Variants in SYTL4 observed in about 807,000 individuals in gnomAD.
SYTL4 encodes the protein synaptotagmin like 4.
A neutral mutation model predicts 52.7 loss-of-function variants in SYTL4; 16 were observed. That is an observed-to-expected ratio of 0.30 (90% CI 0.21 to 0.46). SYTL4 has a LOEUF of 0.46. Among genes scored for constraint, SYTL4 ranks in the 20% least tolerant of loss-of-function variants. The probability of loss-of-function intolerance (pLI) is 1.00; values close to 1 mark genes in which losing one functional copy is unlikely to be tolerated. For missense variants in SYTL4, 423 were observed against 519.9 expected (o/e 0.81, Z 1.81); for synonymous variants, 160 against 186.6 (o/e 0.86, Z 1.16).
intron 17 of SYTL4, among the ~76,000 whole-genome samples, chrX:100,679,933 A>C (rs1923139261): frequency 8.9e-6 from 1 of 111,748 alleles, no homozygotes; most frequent in Non-Finnish European, 1.9e-5. Flanking sequence ...CATCTCTTTG[A>C]AAAAGTACTT....
At chrX:100,708,109 G>T (rs2147782949) in intron 2 of SYTL4, among the ~76,000 whole-genome samples, 1 of 109,431 alleles carries the variant, frequency 9.1e-6, no homozygotes, top group Non-Finnish European at 1.9e-5. Flanking sequence ...AGCATTAGGA[G>T]AAATACCTAA....
rs1337310331 is a variant in SYTL4, at chrX:100,731,671, AG to A, written c.-327-167del. The A allele has an allele frequency of 3.6e-5, 4 of 111,511 alleles. No homozygotes were observed. In the East Asian group the frequency reaches 1.2e-3, roughly 32 times the overall value. 9.2% of individuals were successfully genotyped at this position (111,511 alleles called of 1,213,427 possible). A position where few individuals can be genotyped will look rare whatever the true frequency, so the allele number is the denominator to read the frequency against. ...CCCCGCGAGGGGAGCCGAAGAGGAG[AG>A]GGGAGGCGGCTCCCAGAGGGGCACA... On this transcript the variant is annotated intron_variant, in intron 1 of 19. Transcript: ENST00000372989.
At chrX:100,723,663 C>A (rs750169518) in intron 2 of SYTL4, among the ~76,000 whole-genome samples, 2,889 of 109,229 alleles carry the variant, frequency 0.026, 57 homozygotes, top group African/African-American at 0.061. Context: ...GGCCGCCCAT[C>A]GTCTGAGATG....
intron 2 of SYTL4, among the ~76,000 whole-genome samples, chrX:100,714,154 T>TACAA (rs1161914282): frequency 1.5e-4 from 17 of 112,273 alleles, no homozygotes; most frequent in African/African-American, 4.9e-4. Flanking sequence ...ATTTTAATAT[T>TACAA]AAATGTAACT....
intron 2 of SYTL4, among the ~76,000 whole-genome samples, chrX:100,709,525 T>C (rs1415509260): frequency 9.0e-6 from 1 of 110,895 alleles, no homozygotes; most frequent in Non-Finnish European, 1.9e-5. Flanking sequence ...AACAAAAAGC[T>C]TGGAATTGAG....
chrX:100,705,139 AT>A (rs2147775380), intron 2 of SYTL4, among the ~76,000 whole-genome samples: 1 of 111,915 alleles, frequency 8.9e-6, no homozygotes, highest in African/African-American at 3.2e-5. Flanking sequence ...TTAATGCAAT[AT>A]CTGGTACGCA....
chrX:100,681,419 C>T (rs962497368), intron 16 of SYTL4, 84 bp from the exon 17 acceptor site: 1 of 717,553 alleles, frequency 1.4e-6, no homozygotes, highest in African/African-American at 2.1e-5. Context: ...TCTAAAATTA[C>T]CCCCCAAGAA....
chrX:100,707,313 C>A (rs1404998395), intron 2 of SYTL4, among the ~76,000 whole-genome samples: 1 of 105,171 alleles, frequency 9.5e-6, no homozygotes, highest in African/African-American at 4.0e-5. Flanking sequence ...AAGGTAATTT[C>A]TTATCACAAT....
chrX:100,701,191 C>A, intron 7 of SYTL4, 29 bp downstream of exon 7: 1 of 1,141,282 alleles, frequency 8.8e-7, no homozygotes, highest in Non-Finnish European at 1.2e-6. Context: ...GATTCCATAC[C>A]AAGAACCATC....
At chrX:100,691,544 CT>C (rs1250757810) in intron 8 of SYTL4, among the ~76,000 whole-genome samples, 18 of 104,931 alleles carry the variant, frequency 1.7e-4, no homozygotes, top group Admixed American at 5.1e-4. Context: ...GCTGAGTATA[CT>C]TTTTTTTTTT....
Position 100,676,054 on chromosome X carries a change from T to C in SYTL4, c.1990A>G (p.Met664Val). The change falls in exon 20 of 20, where the codon ATG becomes GTG. Residue 664 changes from methionine (M) to valine (V), a missense_variant. Transcript: ENST00000372989. ...CATAAACCCAGCTTCTGCTTGGCCA[T>C]TGAGGAACGGAGCTGCAGAGTCCCT... ...AEGTLQLRSS[M>V]AKQKLGL The C allele has an allele frequency of 1.7e-6, 2 of 1,207,996 alleles. No homozygotes were observed. The highest frequency in any genetic ancestry group is 2.3e-4 in the Middle Eastern group (1 of 4,348).
At chrX:100,716,546 T>TAA (rs751442914) in intron 2 of SYTL4, among the ~76,000 whole-genome samples, 11 of 43,317 alleles carry the variant, frequency 2.5e-4, no homozygotes, top group African/African-American at 8.0e-4. Flanking sequence ...CTGCAAAACT[T>TAA]AAAAAAAAAA....
Position 100,681,300 on chromosome X carries a change from G to T in SYTL4, c.1485C>A (p.His495Gln). ...SAESPTGLPS[H>Q]KGELVVSLKY... The stretch of plus-strand genomic sequence containing the variant: ...TCAATGAAACCACCAACTCGCCTTT[G>T]TGTGATGGCAAGCCAGTCGGGGACT... Residue 495 changes from histidine to glutamine, a missense_variant, in exon 17 of 20, where the codon CAC (histidine) becomes CAA (glutamine). Transcript: ENST00000372989. The T allele has an allele frequency of 2.5e-6, 3 of 1,211,307 alleles. No individual in the cohort carries two copies. Among genetic ancestry groups the T allele is most frequent in the South Asian group, 3.5e-5 (2 of 56,937 alleles).
chrX:100,696,505 C>T (rs1170812780), intron 8 of SYTL4, among the ~76,000 whole-genome samples: 2 of 111,756 alleles, frequency 1.8e-5, no homozygotes, highest in African/African-American at 6.5e-5. Flanking sequence ...AGATGTTGAG[C>T]ACCTTTTCAT....
At chrX:100,703,607 G>A (rs758652634) in intron 3 of SYTL4, among the ~76,000 whole-genome samples, 4 of 112,133 alleles carry the variant, frequency 3.6e-5, no homozygotes, top group Non-Finnish European at 5.6e-5. Context: ...TGACTTCTAA[G>A]AATTTACCTA....
intron 3 of SYTL4, among the ~76,000 whole-genome samples, chrX:100,704,575 T>C (rs1054014781): frequency 5.4e-5 from 6 of 112,031 alleles, no homozygotes; most frequent in African/African-American, 1.9e-4. Context: ...CTCATAGCAA[T>C]AGAAGATGTA....
At chrX:100,711,495 T>A (rs1351274785) in intron 2 of SYTL4, among the ~76,000 whole-genome samples, 1 of 111,294 alleles carries the variant, frequency 9.0e-6, no homozygotes, top group Non-Finnish European at 1.9e-5. Flanking sequence ...AACCTATGGA[T>A]AAAAGGTACA....
At chrX:100,728,710 C>T (rs1484234202) in intron 2 of SYTL4, among the ~76,000 whole-genome samples, 1 of 111,602 alleles carries the variant, frequency 9.0e-6, no homozygotes, top group East Asian at 2.8e-4. Flanking sequence ...CACTTTTAAA[C>T]TTTAGAGATT....
intron 2 of SYTL4, among the ~76,000 whole-genome samples, chrX:100,706,319 T>G (rs2083956045): frequency 8.9e-6 from 1 of 112,279 alleles, no homozygotes; most frequent in Non-Finnish European, 1.9e-5. Context: ...CATGCTTGTC[T>G]CATACTTGTA....
Sources: allele counts gnomAD v4.1 joint callset (sites outside exome capture counted in the v4.1 genomes callset), GRCh38; gene constraint gnomAD v4.1.1; transcripts MANE v1.5; gene names NCBI Gene and HGNC (gene_info 2026-07-23, HGNC 2026-07-21).